Variants in ATG7 observed in about 807,000 individuals in gnomAD.
The protein encoded by ATG7 is autophagy related 7, also known as ubiquitin-like modifier-activating enzyme ATG7.
ATG7 carries 70 observed loss-of-function variants against 82.4 expected under a neutral mutation model. That is an observed-to-expected ratio of 0.85 (90% CI 0.70 to 1.04). ATG7 has a LOEUF of 1.04. Among genes scored for constraint, ATG7 ranks in the 50% least tolerant of loss-of-function variants. ATG7 has a pLI of 0.00. For missense variants in ATG7, 792 were observed against 864.3 expected, an observed-to-expected ratio of 0.92 and a Z score of 1.05; for synonymous variants, 287 against 313.0, an observed-to-expected ratio of 0.92 and a Z score of 0.88.
chr3:11,404,631 C>T (rs1274991427), intron 19 of ATG7, among the ~76,000 whole-genome samples: 2 of 152,006 alleles, frequency 1.3e-5, no homozygotes, highest in African/African-American at 4.8e-5. Context: ...TAGTCTTTCT[C>T]ATGCTGCTCA....
At chr3:11,275,258 A>G (rs1160566966) in intron 1 of ATG7, among the ~76,000 whole-genome samples, 2 of 151,320 alleles carry the variant, frequency 1.3e-5, no homozygotes, top group Non-Finnish European at 2.9e-5. Context: ...ATTAACCCTG[A>G]CCTCTGATTT....
At chr3:11,292,887 C>G (rs1384586831) in intron 3 of ATG7, among the ~76,000 whole-genome samples, 1 of 152,170 alleles carries the variant, frequency 6.6e-6, no homozygotes, top group Admixed American at 6.5e-5. Flanking sequence ...TGCTGCTGTG[C>G]CTAGTTTTGG....
chr3:11,374,329 G>A (rs2077233266), intron 18 of ATG7, among the ~76,000 whole-genome samples: 1 of 152,128 alleles, frequency 6.6e-6, no homozygotes, highest in Non-Finnish European at 1.5e-5. Flanking sequence ...CAGTTCAATT[G>A]GGAAAGAATG....
chr3:11,488,428 C>G, intron 20 of ATG7: 7 of 1,230,070 alleles, frequency 5.7e-6, no homozygotes, highest in Non-Finnish European at 7.4e-6. Flanking sequence ...TCCCGGCGGT[C>G]GGGCAGCGGC....
intron 20 of ATG7, among the ~76,000 whole-genome samples, chr3:11,493,758 A>T (rs1254689997): frequency 6.6e-6 from 1 of 152,228 alleles, no homozygotes; most frequent in Non-Finnish European, 1.5e-5. Flanking sequence ...AACATGACTA[A>T]GTAGTCCTGT....
At chr3:11,354,949 C>T (rs1369355271) in intron 14 of ATG7, among the ~76,000 whole-genome samples, 4 of 152,190 alleles carry the variant, frequency 2.6e-5, no homozygotes, top group Non-Finnish European at 5.9e-5. Flanking sequence ...TGCCATAGCC[C>T]GTGAGAGCCC....
In ATG7 at chr3:11,485,337, G is replaced by A. The variant is rs150020330; in HGVS notation, c.2079+58411G>A. Among the ~76,000 whole-genome samples the A allele has an allele frequency of 1.3e-3, 192 of 152,246 alleles. 1 individual carries two copies. Among genetic ancestry groups the A allele is most frequent in the African/African-American group, 4.3e-3 (177 of 41,556 alleles). On this transcript the variant is annotated intron_variant, in intron 20 of 20. Transcript: ENST00000693202. ...TGTGTTTTTTGGCTGCATAAATGTC[G>A]TCTTTTGAGAAGTGTCTGTTCATAT...
intron 3 of ATG7, among the ~76,000 whole-genome samples, chr3:11,291,115 G>A (rs1575192637): frequency 1.3e-5 from 2 of 152,296 alleles, no homozygotes; most frequent in South Asian, 4.1e-4. Flanking sequence ...TCCTTAGCAG[G>A]TCATCAAAAT....
chr3:11,568,765 C>T, the ATG7 span: 17 of 1,498,436 alleles, frequency 1.1e-5, no homozygotes, highest in Middle Eastern at 7.2e-4. This position sits in a 1 kb window ranked among gnomAD's most constrained non-coding sequence, Gnocchi z 5.9. Flanking sequence ...AGATGGAAGT[C>T]GCCTCCGCTC....
At chr3:11,287,329 G>A (rs1944253888) in intron 3 of ATG7, among the ~76,000 whole-genome samples, 1 of 152,182 alleles carries the variant, frequency 6.6e-6, no homozygotes, top group African/African-American at 2.4e-5. Context: ...GCTTTCCTGA[G>A]CAGGTCACCT....
intron 5 of ATG7, among the ~76,000 whole-genome samples, chr3:11,304,113 T>C (rs187968871): frequency 6.6e-6 from 1 of 152,168 alleles, no homozygotes; most frequent in East Asian, 1.9e-4. Flanking sequence ...ATGTTTTTCT[T>C]TTCTATGCCT....
chr3:11,555,698 G>C lies in ATG7; in HGVS notation c.*855G>C, dbSNP rs1200681934. On this transcript the variant is annotated 3_prime_UTR_variant, in exon 21 of 21. Transcript: ENST00000693202. ...GACGGCTCTACCATGGGTAACTCAG[G>C]CAAGAGCTGGTTTTCCTCTTTATTC... is the stretch of plus-strand genomic sequence containing the variant. 1 of 152,282 alleles carries C rather than the reference G, an allele frequency of 6.6e-6. No homozygotes were observed. Among genetic ancestry groups the C allele is most frequent in the Non-Finnish European group, 1.5e-5 (1 of 68,126 alleles). 9.4% of individuals were successfully genotyped at this position (152,282 alleles called of 1,614,324 possible).
rs190731116 is a variant in ATG7 at position 11,538,857 on chromosome 3, G to C, written c.2080-15954G>C. Among the ~76,000 whole-genome samples, 192 of 138,522 alleles carry C rather than the reference G, an allele frequency of 1.4e-3. 1 individual carries two copies. The highest frequency in any genetic ancestry group is 1.9e-3 in the Non-Finnish European group (125 of 65,246). 90.9% of individuals were successfully genotyped at this position (138,522 alleles called of 152,430 possible). A position where few individuals can be genotyped will look rare whatever the true frequency, so the allele number is the denominator to read the frequency against. On this transcript the variant is annotated intron_variant, in intron 20 of 20. Coordinates refer to ENST00000693202, the MANE Select transcript of ATG7 (RefSeq NM_001349232.2). ...GCCACTGCACACATACTGGGCAACA[G>C]AGTGAGACTCTTGTCTCAAAAAAAA...
At chr3:11,332,310 TG>T (rs1303587489) in intron 10 of ATG7, among the ~76,000 whole-genome samples, 4 of 152,232 alleles carry the variant, frequency 2.6e-5, no homozygotes, top group African/African-American at 9.6e-5. Flanking sequence ...ATTCCATTTA[TG>T]TAAAGTTAAA....
chr3:11,520,264 T>C (rs2092406337), intron 20 of ATG7, among the ~76,000 whole-genome samples: 1 of 152,148 alleles, frequency 6.6e-6, no homozygotes. Context: ...TCCTCTACCA[T>C]GAGTGGCAAG....
chr3:11,298,988 C>A, intron 4 of ATG7, 133 bp downstream of exon 4: 2 of 1,006,834 alleles, frequency 2.0e-6, no homozygotes, highest in Non-Finnish European at 2.9e-6. Context: ...TTCTATTTTA[C>A]TTCCTGACTT....
At chr3:11,286,679 G>A (rs1362008602) in intron 3 of ATG7, among the ~76,000 whole-genome samples, 1 of 137,960 alleles carries the variant, frequency 7.2e-6, no homozygotes, top group East Asian at 2.2e-4. Flanking sequence ...GCTTACTGCA[G>A]CCTTAATCTC....
At chr3:11,389,282 G>A (rs2078585581) in intron 19 of ATG7, among the ~76,000 whole-genome samples, 1 of 144,810 alleles carries the variant, frequency 6.9e-6, no homozygotes, top group Non-Finnish European at 1.5e-5. Flanking sequence ...GTTTGAGAAT[G>A]TCTTATTCCT....
At chr3:11,429,452 C>A (rs1233506348) in intron 20 of ATG7, among the ~76,000 whole-genome samples, 1 of 151,784 alleles carries the variant, frequency 6.6e-6, no homozygotes, top group Non-Finnish European at 1.5e-5. Flanking sequence ...ACCAAGATGG[C>A]GCCACTGCAC....
Sources: allele counts gnomAD v4.1 joint callset (sites outside exome capture counted in the v4.1 genomes callset), GRCh38; gene constraint gnomAD v4.1.1; non-coding constraint Gnocchi (gnomAD v3.1); transcripts MANE v1.5; gene names NCBI Gene and HGNC (gene_info 2026-07-23, HGNC 2026-07-21).